The following APOL5 variants were observed in gnomAD, a reference collection of about 807,000 sequenced individuals.
APOL5 encodes apolipoprotein L5.
APOL5 carries 29 observed loss-of-function variants against 35.5 expected under a neutral mutation model. That is an observed-to-expected ratio of 0.82 (90% CI 0.61 to 1.11). The LOEUF (loss-of-function observed/expected upper bound fraction) is 1.11, where lower values mean the gene tolerates loss of function less well. APOL5 is among the 50% of genes most tolerant of loss of function. The probability of loss-of-function intolerance (pLI) is 0.00; values close to 1 mark genes in which losing one functional copy is unlikely to be tolerated. For missense variants in APOL5, 514 were observed against 530.4 expected, an observed-to-expected ratio of 0.97 and a Z score of 0.30; for synonymous variants, 188 against 200.2, an observed-to-expected ratio of 0.94 and a Z score of 0.51.
chr22:35,710,418 A>G, the APOL5 span, among the ~76,000 whole-genome samples: 3 of 151,452 alleles, frequency 2.0e-5, no homozygotes, highest in Non-Finnish European at 4.4e-5. Flanking sequence ...TTAGCATTAC[A>G]GGTGTGAGCC....
At chr22:35,709,717 T>C in the APOL5 span, among the ~76,000 whole-genome samples, 1 of 152,250 alleles carries the variant, frequency 6.6e-6, no homozygotes, top group East Asian at 1.9e-4. Context: ...ATTTATTCCA[T>C]ATGTTTTTGC....
chr22:35,724,709 C>G (rs1927090595), intron 2 of APOL5, among the ~76,000 whole-genome samples: 1 of 151,994 alleles, frequency 6.6e-6, no homozygotes, highest in African/African-American at 2.4e-5. Context: ...CTCCTAGGTT[C>G]AAGTGATTCT....
upstream of APOL5, among the ~76,000 whole-genome samples, chr22:35,716,362 T>G (rs757342487): frequency 3.9e-5 from 6 of 152,214 alleles, no homozygotes; most frequent in Non-Finnish European, 7.3e-5. Context: ...AACCTCCGCC[T>G]CCCGGGTTCA....
At chr22:35,725,222 A>G (rs1282021573) in intron 2 of APOL5, among the ~76,000 whole-genome samples, 1 of 152,166 alleles carries the variant, frequency 6.6e-6, no homozygotes, top group Non-Finnish European at 1.5e-5. Context: ...TTATTACTCA[A>G]GTCGGTTTCT....
Position 35,720,570 on chromosome 22 carries a change from T to G in APOL5, c.58T>G (p.Leu20Val). The G allele has an allele frequency of 1.9e-6, 3 of 1,614,068 alleles. No individual in the cohort carries two copies. Among genetic ancestry groups the G allele is most frequent in the Non-Finnish European group, 1.7e-6 (2 of 1,179,946 alleles). The stretch of plus-strand genomic sequence containing the variant: ...CCCTGATCCTTGTCCATCTCCAGGC[T>G]TGGGAGAAGGTTGTAAAGAAATGTG... ...QVPGSKVLPG[L>V]GEGCKEMWLR... Residue 20 changes from leucine to valine, a missense_variant and splice_region_variant, in exon 2 of 5, where the codon TTG becomes GTG. Physicochemically the swap from Leu to Val is conservative, Grantham distance 32 (BLOSUM62 1). Coordinates refer to ENST00000249044, the MANE Select transcript of APOL5 (RefSeq NM_030642.1).
At chr22:35,709,367 T>TCACACACACACACACA in the APOL5 span, among the ~76,000 whole-genome samples, 2 of 149,930 alleles carry the variant, frequency 1.3e-5, no homozygotes, top group African/African-American at 4.9e-5. Flanking sequence ...CACAAAATTT[T>TCACACACACACACACA]CACACACACA....
chr22:35,727,235 C>G (rs1927203972), intron 3 of APOL5, 41 bp downstream of exon 3: 1 of 1,559,106 alleles, frequency 6.4e-7, no homozygotes, highest in African/African-American at 1.4e-5. Flanking sequence ...TCTTGCTCTT[C>G]TAAAAGCTTA....
At position 35,726,146 on chromosome 22, in the gene APOL5, C is replaced by A. The variant is rs1927143272; in HGVS notation, c.143-65C>A. The A allele has an allele frequency of 1.9e-6, 3 of 1,544,174 alleles. No individual in the cohort carries two copies. The Admixed American group carries it at 5.8e-5, about 30-fold the overall frequency. ...TTGCAAAGGTGGTTTCGACATTGTA[C>A]CTCGATTCTCAGGGCTCTGCCTCCT... is the stretch of plus-strand genomic sequence containing the variant. On this transcript the variant is annotated intron_variant, in intron 2 of 4. Coordinates refer to ENST00000249044, the MANE Select transcript of APOL5 (RefSeq NM_030642.1).
upstream of APOL5, among the ~76,000 whole-genome samples, chr22:35,713,017 C>A (rs765644539): frequency 6.6e-6 from 1 of 152,190 alleles, no homozygotes; most frequent in African/African-American, 2.4e-5. Flanking sequence ...AACCTGTACA[C>A]CTTAGTCTTA....
upstream of APOL5, among the ~76,000 whole-genome samples, chr22:35,714,309 C>G (rs1414015715): frequency 6.6e-6 from 1 of 151,990 alleles, no homozygotes; most frequent in East Asian, 1.9e-4. Context: ...AAGATTCTGT[C>G]TCAAAAAAAT....
rs1927187630 is a variant in APOL5, at chr22:35,726,970, TCTTA to T, written c.907_910del (p.Leu303Ter). Reference sequence around the variant, plus strand: ...GTGATGGGTGCTGCTGGGGCTGGCTTCTTACTTATGAAAGACATGAGCAGCTTCC... The same window carrying T: ...GTGATGGGTGCTGCTGGGGCTGGCTTCTTATGAAAGACATGAGCAGCTTCC... On this transcript the variant is annotated frameshift_variant, in exon 3 of 5. Transcript: ENST00000249044. LOFTEE classifies it high-confidence loss of function. The T allele has an allele frequency of 2.5e-6, 4 of 1,614,028 alleles. No homozygotes were observed. The highest frequency in any genetic ancestry group is 3.4e-6 in the Non-Finnish European group (4 of 1,180,028).
At chr22:35,727,447 G>C (rs555066326) in intron 3 of APOL5, among the ~76,000 whole-genome samples, 2 of 152,316 alleles carry the variant, frequency 1.3e-5, no homozygotes, top group Admixed American at 1.3e-4. Flanking sequence ...GTGTGTTTGT[G>C]GGGGTGCTCC....
chr22:35,717,235 A>AAATTATATATATATATAT, upstream of APOL5, among the ~76,000 whole-genome samples: 16 of 57,662 alleles, frequency 2.8e-4, 1 homozygote, highest in African/African-American at 1.2e-3. Flanking sequence ...AAAAAAAAAA[A>AAATTATATATATATATAT]ATATATATAT....
intron 2 of APOL5, among the ~76,000 whole-genome samples, chr22:35,724,863 G>C (rs952980499): frequency 6.6e-6 from 1 of 152,090 alleles, no homozygotes; most frequent in Admixed American, 6.6e-5. Context: ...CACCCGCCTC[G>C]GTGTCCCAAA....
At chr22:35,727,853 A>T (rs576626717) in intron 3 of APOL5, among the ~76,000 whole-genome samples, 33 of 152,356 alleles carry the variant, frequency 2.2e-4, no homozygotes, top group African/African-American at 6.5e-4. Flanking sequence ...CTATGTAGAG[A>T]AATTAAATTC....
At chr22:35,709,367 TCACACA>T in the APOL5 span, among the ~76,000 whole-genome samples, 66 of 149,914 alleles carry the variant, frequency 4.4e-4, no homozygotes, top group South Asian at 8.6e-3. Context: ...CACAAAATTT[TCACACA>T]CACACACACA....
At position 35,717,928 on chromosome 22, in the gene APOL5, T is replaced by A. The variant is rs1293138470; in HGVS notation, c.55+2T>A. The A allele has an allele frequency of 6.4e-7, 1 of 1,570,844 alleles. No homozygotes were observed. Among genetic ancestry groups the A allele is most frequent in the South Asian group, 1.2e-5 (1 of 81,806 alleles). ...TTCCCGGTTCCAAGGTGTTACCTGG[T>A]AAGTTCTTTTAAGCTTTCAGAAAAC... On this transcript the variant is annotated splice_donor_variant, in intron 1 of 4. Coordinates refer to ENST00000249044, the MANE Select transcript of APOL5 (RefSeq NM_030642.1). LOFTEE classifies it high-confidence loss of function.
At chr22:35,714,961 T>A (rs1441903432), upstream of APOL5, among the ~76,000 whole-genome samples, 1 of 152,212 alleles carries the variant, frequency 6.6e-6, no homozygotes, top group East Asian at 1.9e-4. Context: ...GCTCTCAGTG[T>A]GATATTCTGA....
At position 35,726,530 on chromosome 22, in the gene APOL5, G is replaced by C. The variant is rs1208884409; in HGVS notation, c.462G>C (p.Leu154=). 1 of 1,614,184 alleles carries C rather than the reference G, an allele frequency of 6.2e-7. No homozygotes were observed. Among genetic ancestry groups the C allele is most frequent in the Non-Finnish European group, 8.5e-7 (1 of 1,180,028 alleles). The change falls in exon 3 of 5, where the codon CTG becomes CTC. Residue 154 remains leucine, a synonymous_variant. Transcript: ENST00000249044. ...CTGTTTCTGGGGTCATGAACATCCT[G>C]GGTTTGGCCCTAGCACCTGTGACAG... ...SGAVSGVMNI[L]GLALAPVTAG...
Sources: allele counts gnomAD v4.1 joint callset (sites outside exome capture counted in the v4.1 genomes callset), GRCh38; gene constraint gnomAD v4.1.1; transcripts MANE v1.5; gene names NCBI Gene and HGNC (gene_info 2026-07-23, HGNC 2026-07-21).